The following MAVS variants were observed in gnomAD, a reference collection of about 807,000 sequenced individuals.
MAVS encodes mitochondrial antiviral-signaling protein.
MAVS carries 20 observed loss-of-function variants against 30.2 expected under a neutral mutation model. The observed-to-expected ratio is 0.66, with a 90% CI of 0.47 to 0.96. MAVS has a LOEUF of 0.96. MAVS is among the 40% of genes least tolerant of loss of function. The pLI is 0.00. For missense variants in MAVS, 624 were observed against 701.1 expected (o/e 0.89, Z 1.24); for synonymous variants, 278 against 293.9 (o/e 0.95, Z 0.55).
At position 3,865,614 on chromosome 20, in the gene MAVS, G is replaced by A. The variant is rs2089899780; in HGVS notation, c.1159-69G>A. The A allele has an allele frequency of 7.1e-7, 1 of 1,412,010 alleles. No homozygotes were observed. Among genetic ancestry groups the A allele is most frequent in the South Asian group, 1.4e-5 (1 of 71,026 alleles). 87.5% of individuals were successfully genotyped at this position (1,412,010 alleles called of 1,614,324 possible). A position where few individuals can be genotyped will look rare whatever the true frequency, so the allele number is the denominator to read the frequency against. On this transcript the variant is annotated intron_variant, in intron 6 of 6. Coordinates refer to ENST00000428216, the MANE Select transcript of MAVS (RefSeq NM_020746.5). This position sits in a 1 kb window ranked among gnomAD's most constrained non-coding sequence, Gnocchi z 4.7. The stretch of plus-strand genomic sequence containing the variant: ...TTAGTTCATGCCCTGGCCTGGGAAT[G>A]GGACCGCCCTACCAGGTTCGTCTCC...
chr20:3,852,273 C>A (rs2146757283), intron 1 of MAVS, among the ~76,000 whole-genome samples: 1 of 152,026 alleles, frequency 6.6e-6, no homozygotes, highest in East Asian at 1.9e-4. Context: ...GGATTACAGG[C>A]GTGAGCCACC....
chr20:3,863,312 A>C (rs1350914044), intron 5 of MAVS, among the ~76,000 whole-genome samples: 3 of 152,172 alleles, frequency 2.0e-5, no homozygotes, highest in Admixed American at 2.0e-4. Flanking sequence ...CCTACTTCCC[A>C]AACTATTCCA....
rs1366076922 is a variant in MAVS, at chr20:3,870,061, G to A, written c.*3914G>A. The A allele has an allele frequency of 6.6e-6, 1 of 152,472 alleles. No individual in the cohort carries two copies. The highest frequency in any genetic ancestry group is 1.9e-4 in the East Asian group (1 of 5,312). The allele number at this position is 152,472 out of a possible 1,614,324, so 9.4% of individuals were successfully genotyped here. On this transcript the variant is annotated 3_prime_UTR_variant, in exon 7 of 7. Coordinates refer to ENST00000428216, the MANE Select transcript of MAVS (RefSeq NM_020746.5). ...TGTCAGATCTCAGGAGTCCTGTGTT[G>A]AGAGTGTGGCTTTCAGCTGCGGGGA... is the stretch of plus-strand genomic sequence containing the variant.
rs1355030223 is a variant in MAVS, at chr20:3,862,401, AC to A, written c.616del (p.His206ThrfsTer97). 9 of 1,613,240 alleles carry A rather than the reference AC, an allele frequency of 5.6e-6. No individual in the cohort carries two copies. Among genetic ancestry groups the A allele is most frequent in the African/African-American group, 2.7e-5 (2 of 74,862 alleles). On this transcript the variant is annotated frameshift_variant, in exon 5 of 7. Coordinates refer to ENST00000428216, the MANE Select transcript of MAVS (RefSeq NM_020746.5). LOFTEE classifies it high-confidence loss of function. ...GGAGCAGGACACAGAACTGGGCAGT[AC>A]CCACACAGCAGGTATGCATGGAATC... ...HQEQDTELGS[T>X]HTAGATSSLT... is the part of the protein sequence containing the mutation.
intron 1 of MAVS, among the ~76,000 whole-genome samples, chr20:3,853,500 GAAATT>G (rs1447935098): frequency 7.1e-6 from 1 of 140,914 alleles, no homozygotes; most frequent in African/African-American, 2.6e-5. Context: ...AAAAAAAAAA[GAAATT>G]AAAGGTGGCT....
At position 3,874,396 on chromosome 20, in the gene MAVS, A is replaced by T; in HGVS notation, c.*8249A>T. On this transcript the variant is annotated 3_prime_UTR_variant, in exon 7 of 7. Coordinates refer to ENST00000428216, the MANE Select transcript of MAVS (RefSeq NM_020746.5). ...AGATGTGGAAATAAAAACCACCTAA[A>T]CAAGAGCAGAGAGGCCATTTGGTCA... is the stretch of plus-strand genomic sequence containing the variant. 1 of 395,624 alleles carries T rather than the reference A, an allele frequency of 2.5e-6. No homozygotes were observed. The highest frequency in any genetic ancestry group is 4.5e-6 in the Non-Finnish European group (1 of 224,624). 24.5% of individuals were successfully genotyped at this position (395,624 alleles called of 1,614,324 possible).
In MAVS at chr20:3,867,326, A is replaced by T; in HGVS notation, c.*1179A>T. ...GAAGATTAAAGGAGTTTATCGATGTAGGTCTTAGGATGAGTCCTGGCATTT... is the reference window on the plus strand; with the variant it reads ...GAAGATTAAAGGAGTTTATCGATGTTGGTCTTAGGATGAGTCCTGGCATTT... On this transcript the variant is annotated 3_prime_UTR_variant, in exon 7 of 7. Coordinates refer to ENST00000428216, the MANE Select transcript of MAVS (RefSeq NM_020746.5). The T allele has an allele frequency of 3.1e-6, 1 of 325,688 alleles. No individual in the cohort carries two copies. Among genetic ancestry groups the T allele is most frequent in the South Asian group, 2.6e-5 (1 of 39,002 alleles). 20.2% of individuals were successfully genotyped at this position (325,688 alleles called of 1,614,324 possible).
At chr20:3,847,369 C>T (rs889676199) in intron 1 of MAVS, among the ~76,000 whole-genome samples, 1 of 152,166 alleles carries the variant, frequency 6.6e-6, no homozygotes, top group Admixed American at 6.5e-5. Flanking sequence ...GGACCTGGGT[C>T]GCGCCCAGGA....
intron 1 of MAVS, among the ~76,000 whole-genome samples, chr20:3,853,957 T>TA (rs1408758588): frequency 6.6e-6 from 1 of 150,624 alleles, no homozygotes; most frequent in African/African-American, 2.5e-5. Context: ...CCAGCTATTT[T>TA]TTTTTTTTTT....
At position 3,854,718 on chromosome 20, in the gene MAVS, C is replaced by A; in HGVS notation, c.94C>A (p.Pro32Thr). The A allele has an allele frequency of 6.2e-7, 1 of 1,613,458 alleles. No homozygotes were observed. Among genetic ancestry groups the A allele is most frequent in the Non-Finnish European group, 8.5e-7 (1 of 1,179,542 alleles). ...TGTTGTAGAGATTCTGCCTTACCTG[C>A]CCTGCCTCACAGCAAGAGACCAGGT... ...VDVVEILPYL[P>T]CLTARDQDRL... Residue 32 changes from proline (P) to threonine (T), a missense_variant, in exon 2 of 7, where the codon CCC becomes ACC. Physicochemically the swap from Pro to Thr is conservative, Grantham distance 38. Transcript: ENST00000428216.
intron 3 of MAVS, among the ~76,000 whole-genome samples, chr20:3,860,611 G>A (rs2146770660): frequency 6.6e-6 from 1 of 150,904 alleles, no homozygotes; most frequent in Non-Finnish European, 1.5e-5. Context: ...ACGACCTCAG[G>A]TGATCCACCC....
chr20:3,859,135 C>T (rs568282486), intron 3 of MAVS, among the ~76,000 whole-genome samples: 602 of 54,162 alleles, frequency 0.011, 10 homozygotes, highest in African/African-American at 0.092. Context: ...GCTTTTCCTC[C>T]CTCCCTCCCT....
rs2089915564 is a variant in MAVS, at chr20:3,867,167, A to C, written c.*1020A>C. On this transcript the variant is annotated 3_prime_UTR_variant, in exon 7 of 7. Transcript: ENST00000428216. ...GGTCAAGGGTGCAGCTCTGCAGCAC[A>C]GGCAGCCTAGGCCTGCGTCCCAACC... is the stretch of plus-strand genomic sequence containing the variant. 1.2e-4 allele frequency: 50 copies of C among 419,688 alleles called. No individual in the cohort carries two copies. Among genetic ancestry groups the C allele is most frequent in the South Asian group, 8.2e-4 (47 of 57,498 alleles). The allele number at this position is 419,688 out of a possible 1,614,324, so 26.0% of individuals were successfully genotyped here.
At chr20:3,858,348 G>A (rs953632603) in intron 3 of MAVS, among the ~76,000 whole-genome samples, 3 of 152,052 alleles carry the variant, frequency 2.0e-5, no homozygotes, top group East Asian at 1.9e-4. Flanking sequence ...GCTCGGAGGC[G>A]ATTTGATGAG....
intron 4 of MAVS, 123 bp from the exon 5 acceptor site, chr20:3,862,131 C>T (rs1170067725): frequency 2.7e-6 from 3 of 1,127,978 alleles, no homozygotes; most frequent in Admixed American, 2.9e-5. Context: ...GGCAAGGGCT[C>T]CCCTGGCTCC....
At position 3,852,008 on chromosome 20, in the gene MAVS, C is replaced by T. The variant is rs1410586625; in HGVS notation, c.-67-2550C>T. On this transcript the variant is annotated intron_variant, in intron 1 of 6. Transcript: ENST00000428216. ...TAGCAGGCTTTTTTTTTTTTTTTTT[C>T]CCCCGAGACGGAATCTGGCTCTGTC... Among the ~76,000 whole-genome samples the T allele has an allele frequency of 5.4e-3, 141 of 26,270 alleles. 2 individuals carry two copies. The African/African-American group carries it at 0.1, about 19-fold the overall frequency. The allele number at this position is 26,270 out of a possible 152,430, so 17.2% of individuals were successfully genotyped here. A position where few individuals can be genotyped will look rare whatever the true frequency, so the allele number is the denominator to read the frequency against.
intron 3 of MAVS, among the ~76,000 whole-genome samples, chr20:3,859,617 G>A (rs941761669): frequency 6.6e-6 from 1 of 151,986 alleles, no homozygotes; most frequent in African/African-American, 2.4e-5. Flanking sequence ...ATCAGGGCAG[G>A]GGTCAGTGAG....
At chr20:3,862,526 G>C in intron 5 of MAVS, 113 bp downstream of exon 5, 12 of 1,173,180 alleles carry the variant, frequency 1.0e-5, no homozygotes, top group Non-Finnish European at 1.4e-5. Context: ...AATAAAGGGA[G>C]TTCAACCCAG....
At chr20:3,853,480 C>G (rs1235994610) in intron 1 of MAVS, among the ~76,000 whole-genome samples, 1 of 136,166 alleles carries the variant, frequency 7.3e-6, no homozygotes, top group Non-Finnish European at 1.6e-5. Flanking sequence ...AGAAAGACTC[C>G]GTCTCAAAAA....
Sources: allele counts gnomAD v4.1 joint callset (sites outside exome capture counted in the v4.1 genomes callset), GRCh38; gene constraint gnomAD v4.1.1; non-coding constraint Gnocchi (gnomAD v3.1); transcripts MANE v1.5; gene names NCBI Gene and HGNC (gene_info 2026-07-23, HGNC 2026-07-21).